The following NBEA variants were observed in gnomAD, a reference collection of about 807,000 sequenced individuals.
The protein encoded by NBEA is lysosomal-trafficking regulator 2.
In NBEA, 44 loss-of-function variants were observed where a neutral mutation model predicts 343.4. That is an observed-to-expected ratio of 0.13 (90% CI 0.10 to 0.16). The LOEUF is 0.16. NBEA is among the 10% of genes least tolerant of loss of function. The probability of loss-of-function intolerance (pLI) is 1.00; values close to 1 mark genes in which losing one functional copy is unlikely to be tolerated. For missense variants in NBEA, 2,555 were observed against 3,631.3 expected (o/e 0.70, Z 7.62); for synonymous variants, 1,175 against 1,238.7 (o/e 0.95, Z 1.08).
At chr13:35,207,146 A>G (rs2073448753) in intron 31 of NBEA, among the ~76,000 whole-genome samples, 1 of 151,950 alleles carries the variant, frequency 6.6e-6, no homozygotes, top group Admixed American at 6.6e-5. Context: ...GTATTTCTAA[A>G]ATTAAGAATA....
intron 38 of NBEA, among the ~76,000 whole-genome samples, chr13:35,429,413 T>G (rs71438065): frequency 0.16 from 23,748 of 150,330 alleles, 2,411 homozygotes; most frequent in Admixed American, 0.26. Context: ...TAAACTGCTG[T>G]TTTTTTTTGA....
intron 34 of NBEA, among the ~76,000 whole-genome samples, chr13:35,260,997 C>T (rs2033160874): frequency 6.6e-6 from 1 of 152,116 alleles, no homozygotes; most frequent in African/African-American, 2.4e-5. Context: ...ATTATGAGAA[C>T]AAAGCCCAAC....
At chr13:35,644,006 A>T (rs977654394) in intron 49 of NBEA, among the ~76,000 whole-genome samples, 2 of 152,210 alleles carry the variant, frequency 1.3e-5, no homozygotes, top group African/African-American at 4.8e-5. Context: ...TAATGACAAG[A>T]AGTAGAACTT....
intron 36 of NBEA, among the ~76,000 whole-genome samples, chr13:35,346,279 A>G (rs561211970): frequency 6.6e-6 from 1 of 152,196 alleles, no homozygotes; most frequent in East Asian, 1.9e-4. Flanking sequence ...CACATATTAG[A>G]TTTCTTCCTG....
intron 52 of NBEA, 28 bp downstream of exon 52, chr13:35,649,875 T>A: frequency 6.3e-7 from 1 of 1,596,898 alleles, no homozygotes; most frequent in South Asian, 1.1e-5. Flanking sequence ...AATCACTTAC[T>A]AAAGATTTCT....
chr13:35,670,449 C>T (rs2085561043), intron 58 of NBEA, among the ~76,000 whole-genome samples: 2 of 152,124 alleles, frequency 1.3e-5, no homozygotes, highest in South Asian at 4.1e-4. Flanking sequence ...GACGTCGTTG[C>T]CTTTACGTCC....
intron 43 of NBEA, among the ~76,000 whole-genome samples, chr13:35,554,405 A>G (rs575785534): frequency 6.6e-6 from 1 of 152,214 alleles, no homozygotes; most frequent in East Asian, 1.9e-4. Flanking sequence ...AATTTGGACC[A>G]ATGATCATGG....
chr13:34,962,943 C>T lies in NBEA; in HGVS notation c.294+19829C>T, dbSNP rs182828121. 1.1e-4 allele frequency among the ~76,000 whole-genome samples: 17 copies of T among 152,146 alleles called. No homozygotes were observed. The East Asian group carries it at 3.1e-3, about 28-fold the overall frequency. ...AATTGAATACTAGAACTCCAGAATGCTGGTGCTTGATAAGATTTTAAAGAT... is the reference window on the plus strand; with the variant it reads ...AATTGAATACTAGAACTCCAGAATGTTGGTGCTTGATAAGATTTTAAAGAT... On this transcript the variant is annotated intron_variant, in intron 1 of 58. Coordinates refer to ENST00000379939, the MANE Select transcript of NBEA (RefSeq NM_001385012.1).
intron 17 of NBEA, among the ~76,000 whole-genome samples, chr13:35,125,438 C>CTGA (rs1002422848): frequency 6.6e-6 from 1 of 152,074 alleles, no homozygotes; most frequent in Non-Finnish European, 1.5e-5. Flanking sequence ...TATATCATGC[C>CTGA]TGATAGCAGA....
chr13:35,587,808 G>C (rs1321173887), intron 46 of NBEA, among the ~76,000 whole-genome samples: 1 of 152,016 alleles, frequency 6.6e-6, no homozygotes, highest in East Asian at 1.9e-4. Flanking sequence ...CAGCGAAATG[G>C]AATTCAAACT....
intron 38 of NBEA, among the ~76,000 whole-genome samples, chr13:35,372,740 G>A (rs1358902967): frequency 6.6e-6 from 1 of 152,094 alleles, no homozygotes; most frequent in Admixed American, 6.5e-5. Context: ...ATTTCTGGGG[G>A]CAGTGGGGAT....
chr13:35,519,691 A>G (rs2152991568), intron 41 of NBEA, among the ~76,000 whole-genome samples: 1 of 152,286 alleles, frequency 6.6e-6, no homozygotes, highest in East Asian at 1.9e-4. Context: ...GGTACATGTG[A>G]TATTTTGATA....
chr13:35,171,045 G>T (rs962344267), intron 25 of NBEA: 4 of 645,586 alleles, frequency 6.2e-6, no homozygotes, highest in Non-Finnish European at 1.1e-5. Flanking sequence ...TAAAACTAAT[G>T]TTGATTTTAA....
chr13:35,157,558 C>A (rs2069255801), intron 21 of NBEA, among the ~76,000 whole-genome samples: 1 of 152,078 alleles, frequency 6.6e-6, no homozygotes, highest in Non-Finnish European at 1.5e-5. Context: ...CTTGCTCTTT[C>A]AACTGGTTCT....
intron 35 of NBEA, among the ~76,000 whole-genome samples, chr13:35,293,497 A>G (rs1002196553): frequency 6.6e-6 from 1 of 151,970 alleles, no homozygotes; most frequent in Non-Finnish European, 1.5e-5. Flanking sequence ...GAACTAAAGT[A>G]AAAAAATTAA....
At position 35,270,673 on chromosome 13, in the gene NBEA, T is replaced by TC. The variant is rs527958689; in HGVS notation, c.5777-19710dup. 7.6e-4 allele frequency among the ~76,000 whole-genome samples: 115 copies of TC among 152,098 alleles called. 2 individuals are homozygous for TC. In the South Asian group the frequency reaches 0.021, roughly 28 times the overall value. ...CTTCACAACCAGCAGACCAGGAGAC[T>TC]CCCCCCGTGCCTGGCTTGGTGGATC... is the stretch of plus-strand genomic sequence containing the variant. On this transcript the variant is annotated intron_variant, in intron 34 of 58. Transcript: ENST00000379939.
At chr13:34,974,379 A>T (rs1372831261) in intron 1 of NBEA, among the ~76,000 whole-genome samples, 2 of 152,054 alleles carry the variant, frequency 1.3e-5, no homozygotes, top group African/African-American at 2.4e-5. Flanking sequence ...TGGACGTTTC[A>T]CAATGGAATG....
intron 39 of NBEA, among the ~76,000 whole-genome samples, chr13:35,451,545 C>T (rs1472357168): frequency 6.6e-6 from 1 of 152,214 alleles, no homozygotes; most frequent in Non-Finnish European, 1.5e-5. Context: ...TCATTTCTAA[C>T]TCCGCCTTTC....
intron 34 of NBEA, among the ~76,000 whole-genome samples, chr13:35,288,042 T>A (rs2152816308): frequency 6.6e-6 from 1 of 152,174 alleles, no homozygotes. Flanking sequence ...AACTCCTTAG[T>A]ACTAACATTA....
Sources: allele counts gnomAD v4.1 joint callset (sites outside exome capture counted in the v4.1 genomes callset), GRCh38; gene constraint gnomAD v4.1.1; transcripts MANE v1.5; gene names NCBI Gene and HGNC (gene_info 2026-07-23, HGNC 2026-07-21).